RAP1GAP2: variants seen among roughly 807,000 people sequenced by gnomAD.
The protein encoded by RAP1GAP2 is RAP1 GTPase activating protein 2.
Under a neutral mutation model 95.0 loss-of-function variants are expected in RAP1GAP2, and 27 were observed. That is an observed-to-expected ratio of 0.28 (90% CI 0.21 to 0.39). The LOEUF (loss-of-function observed/expected upper bound fraction) is 0.39. Among genes scored for constraint, RAP1GAP2 ranks in the 10% least tolerant of loss-of-function variants. The pLI, the probability that RAP1GAP2 is intolerant of heterozygous loss-of-function variation, is 1.00. For missense variants in RAP1GAP2, 771 were observed against 970.0 expected (o/e 0.79, Z 2.72); for synonymous variants, 373 against 380.9 (o/e 0.98, Z 0.24).
At chr17:2,842,555 C>T (rs1420630272) in intron 2 of RAP1GAP2, among the ~76,000 whole-genome samples, 1 of 53,370 alleles carries the variant, frequency 1.9e-5, no homozygotes, top group East Asian at 3.9e-4. Flanking sequence ...AAAAAAAATA[C>T]CACTTTTACT....
At chr17:2,955,179 G>A (rs971488329) in intron 3 of RAP1GAP2, among the ~76,000 whole-genome samples, 7 of 152,142 alleles carry the variant, frequency 4.6e-5, no homozygotes, top group Admixed American at 6.6e-5. Context: ...TCATAATTCC[G>A]TGTTGAACAT....
rs551907132 is a variant in RAP1GAP2 at position 2,826,004 on chromosome 17, G to A, written c.80+25454G>A. Among the ~76,000 whole-genome samples the A allele has an allele frequency of 1.6e-3, 227 of 141,772 alleles. 2 individuals are homozygous for A. The highest frequency in any genetic ancestry group is 5.6e-3 in the African/African-American group (215 of 38,210). 93.0% of individuals were successfully genotyped at this position (141,772 alleles called of 152,430 possible). ...TTCTGTTTTTTTTTTTTTTTGAGAC[G>A]GAGTCTTGCTCTGTCGCCCCGGCTG... is the stretch of plus-strand genomic sequence containing the variant. On this transcript the variant is annotated intron_variant, in intron 2 of 24. Coordinates refer to ENST00000254695, the MANE Select transcript of RAP1GAP2 (RefSeq NM_015085.5).
chr17:2,814,455 C>A (rs912527913), intron 2 of RAP1GAP2, among the ~76,000 whole-genome samples: 1 of 152,168 alleles, frequency 6.6e-6, no homozygotes, highest in Non-Finnish European at 1.5e-5. Context: ...AGCTTCCATG[C>A]AGCTTCCTCC....
rs1275910065 is a variant in RAP1GAP2, at chr17:2,797,831, G to C, written c.44+1260G>C. 3.1e-6 allele frequency: 3 copies of C among 972,802 alleles called. No individual in the cohort carries two copies. Among genetic ancestry groups the C allele is most frequent in the Non-Finnish European group, 2.4e-6 (2 of 818,604 alleles). 60.3% of individuals were successfully genotyped at this position (972,802 alleles called of 1,614,324 possible). A position where few individuals can be genotyped will look rare whatever the true frequency, so the allele number is the denominator to read the frequency against. ...AGCAGAGGACTTGGCTTCTGGTTGG[G>C]AGGGGTGTGTGTGTCTTGGCTGTGG... On this transcript the variant is annotated intron_variant, in intron 1 of 24. Transcript: ENST00000254695. The surrounding 1 kb of genome is among the most constrained non-coding windows in gnomAD (Gnocchi z 5.6).
At chr17:2,942,429 C>CT (rs2050862264) in intron 3 of RAP1GAP2, among the ~76,000 whole-genome samples, 2 of 151,994 alleles carry the variant, frequency 1.3e-5, no homozygotes, top group African/African-American at 4.8e-5. Context: ...TACGTTTGGT[C>CT]CACATAGAGA....
chr17:2,778,039 G>A (rs1006555841), intron 1 of RAP1GAP2, among the ~76,000 whole-genome samples: 4 of 150,330 alleles, frequency 2.7e-5, no homozygotes, highest in Admixed American at 6.6e-5. Context: ...GCTGGGAGGC[G>A]GGGAGTGACT....
intron 3 of RAP1GAP2, 68 bp downstream of exon 3, chr17:2,905,436 C>A: frequency 6.6e-7 from 1 of 1,510,244 alleles, no homozygotes; most frequent in Non-Finnish European, 9.1e-7. Flanking sequence ...CTTGCTGTGG[C>A]TTTGGCTCCA....
chr17:2,778,612 G>A (rs1176946660), intron 1 of RAP1GAP2, among the ~76,000 whole-genome samples: 1 of 152,142 alleles, frequency 6.6e-6, no homozygotes, highest in African/African-American at 2.4e-5. Flanking sequence ...CCCTGGCATG[G>A]ATGGGGGTGG....
exon 2 of RAP1GAP2, chr17:2,770,352 G>A (rs559497728): frequency 1.1e-4 from 44 of 398,676 alleles, no homozygotes; most frequent in East Asian, 5.3e-4. Context: ...GGGCGGTTCC[G>A]AATCGAGGAG....
rs1479954770 is a variant in RAP1GAP2 at position 2,963,512 on chromosome 17, C to A, written c.279+50C>A. On this transcript the variant is annotated intron_variant, in intron 6 of 24. Coordinates refer to ENST00000254695, the MANE Select transcript of RAP1GAP2 (RefSeq NM_015085.5). This position sits in a 1 kb window ranked among gnomAD's most constrained non-coding sequence, Gnocchi z 4.8. ...CCTGCCCTGCAGCCTGCTCTGGGTC[C>A]CGTCCCTGGGGAAATGATGGCGATG... 2 of 1,610,820 alleles carry A rather than the reference C, an allele frequency of 1.2e-6. No individual in the cohort carries two copies. The highest frequency in any genetic ancestry group is 1.7e-6 in the Non-Finnish European group (2 of 1,177,094).
intron 10 of RAP1GAP2, among the ~76,000 whole-genome samples, chr17:2,983,664 G>A (rs2045455144): frequency 6.6e-6 from 1 of 152,076 alleles, no homozygotes; most frequent in African/African-American, 2.4e-5. Context: ...CACACACCAA[G>A]GTTTTTTTCC....
At chr17:2,804,283 T>G (rs2069420895) in intron 2 of RAP1GAP2, among the ~76,000 whole-genome samples, 1 of 152,252 alleles carries the variant, frequency 6.6e-6, no homozygotes, top group Non-Finnish European at 1.5e-5. Flanking sequence ...CTCACCGTTA[T>G]GAAGCATTCA....
At chr17:2,799,992 G>A (rs936356847) in intron 1 of RAP1GAP2, among the ~76,000 whole-genome samples, 1 of 152,148 alleles carries the variant, frequency 6.6e-6, no homozygotes, top group Admixed American at 6.5e-5. Flanking sequence ...CAGGAGCAGG[G>A]TCTGCCTCCC....
In RAP1GAP2 at chr17:2,957,872, C is replaced by A. The variant is rs140622542; in HGVS notation, c.201+78C>A. On this transcript the variant is annotated intron_variant, in intron 4 of 24. Coordinates refer to ENST00000254695, the MANE Select transcript of RAP1GAP2 (RefSeq NM_015085.5). ...TGGCATAGGGACCAGGCAGAACCCACGGGCAGAAGCCGGGTGCCCTGGACG... is the reference window on the plus strand; with the variant it reads ...TGGCATAGGGACCAGGCAGAACCCAAGGGCAGAAGCCGGGTGCCCTGGACG... 9.7e-4 allele frequency: 1,352 copies of A among 1,388,264 alleles called. 24 individuals are homozygous for A. In the East Asian group the frequency reaches 0.026, roughly 26 times the overall value. 86.0% of individuals were successfully genotyped at this position (1,388,264 alleles called of 1,614,324 possible).
chr17:2,890,981 C>T (rs9303141), intron 2 of RAP1GAP2, among the ~76,000 whole-genome samples: 43,329 of 151,748 alleles, frequency 0.29, 6,791 homozygotes, highest in African/African-American at 0.39. Flanking sequence ...CCACCACGCC[C>T]GACCAATGTT....
At chr17:2,816,239 T>G (rs1345879927) in intron 2 of RAP1GAP2, among the ~76,000 whole-genome samples, 1 of 151,404 alleles carries the variant, frequency 6.6e-6, no homozygotes, top group African/African-American at 2.4e-5. Context: ...TTGTTTTGTT[T>G]TTTTTTTTTC....
At chr17:2,935,896 G>A (rs745902031) in intron 3 of RAP1GAP2, among the ~76,000 whole-genome samples, 53 of 152,022 alleles carry the variant, frequency 3.5e-4, no homozygotes, top group Non-Finnish European at 4.7e-4. Flanking sequence ...AAGGAAACGC[G>A]GCCGATCTGG....
At chr17:2,781,700 G>T (rs2068656363) in intron 1 of RAP1GAP2, among the ~76,000 whole-genome samples, 2 of 139,428 alleles carry the variant, frequency 1.4e-5, no homozygotes, top group Non-Finnish European at 3.2e-5. Flanking sequence ...CTCTGTGTGT[G>T]CACGTCTCTG....
chr17:2,965,543 C>A lies in RAP1GAP2; in HGVS notation c.496C>A (p.His166Asn). Residue 166 changes from histidine to asparagine, a missense_variant, in exon 8 of 25, where the codon CAT becomes AAT. Coordinates refer to ENST00000254695, the MANE Select transcript of RAP1GAP2 (RefSeq NM_015085.5). The surrounding 1 kb of genome is among the most constrained non-coding windows in gnomAD (Gnocchi z 4.7). ...AYRRHFLGKD[H>N]LNFYCTGSSL... is the part of the protein sequence containing the mutation. ...CACACTCAGTTTCTTTTTTTAGGAT[C>A]ATCTAAACTTTTACTGTACCGGCAG... 6.2e-7 allele frequency: 1 copy of A among 1,609,226 alleles called. No individual in the cohort carries two copies. The highest frequency in any genetic ancestry group is 1.1e-5 in the South Asian group (1 of 89,970).
Sources: gnomAD v4.1 joint callset for allele counts (sites outside exome capture counted in the v4.1 genomes callset) on GRCh38, gnomAD v4.1.1 for gene constraint, Gnocchi (gnomAD v3.1) non-coding constraint, MANE v1.5 for transcripts, NCBI Gene and HGNC (gene_info 2026-07-23, HGNC 2026-07-21) for gene names.